Variants in MRTFA observed in about 807,000 individuals in gnomAD.
The protein encoded by MRTFA is myocardin-related transcription factor A.
Under a neutral mutation model 83.5 loss-of-function variants are expected in MRTFA, and 20 were observed. That is an observed-to-expected ratio of 0.24 (90% CI 0.17 to 0.35). The LOEUF is 0.35. Ranked by LOEUF, MRTFA falls within the 10% of genes least tolerant of loss-of-function variation. The pLI, the probability that MRTFA is intolerant of heterozygous loss-of-function variation, is 1.00. For missense variants in MRTFA, 1,200 were observed against 1,224.7 expected (o/e 0.98, Z 0.30); for synonymous variants, 659 against 541.2 (o/e 1.22, Z -3.02).
chr22:40,611,395 C>T (rs1048717032), intron 1 of MRTFA, among the ~76,000 whole-genome samples: 4 of 151,944 alleles, frequency 2.6e-5, no homozygotes, highest in African/African-American at 7.3e-5. Context: ...CAAACCACCA[C>T]ATCCAGCTTT....
chr22:40,449,274 G>GAAAAAAAAAAAAAAA (rs35140973), intron 4 of MRTFA, among the ~76,000 whole-genome samples: 3 of 88,002 alleles, frequency 3.4e-5, no homozygotes, highest in African/African-American at 4.7e-5. Flanking sequence ...CTCCAAACGA[G>GAAAAAAAAAAAAAAA]AAAAAAAAAA....
intron 1 of MRTFA, among the ~76,000 whole-genome samples, chr22:40,596,658 T>C (rs1293344023): frequency 1.3e-5 from 2 of 152,042 alleles, no homozygotes; most frequent in African/African-American, 4.8e-5. Context: ...AATACAAAAA[T>C]TAGCTGGGCG....
intron 3 of MRTFA, among the ~76,000 whole-genome samples, chr22:40,507,584 T>C (rs2054599808): frequency 6.6e-6 from 1 of 151,622 alleles, no homozygotes; most frequent in Admixed American, 6.6e-5. Flanking sequence ...GCCACTGCAC[T>C]CCCACCTGTG....
At chr22:40,629,194 A>G (rs2056613596) in intron 1 of MRTFA, among the ~76,000 whole-genome samples, 1 of 152,060 alleles carries the variant, frequency 6.6e-6, no homozygotes, top group South Asian at 2.1e-4. Context: ...GTGTAATCCC[A>G]GCACTTTGGG....
chr22:40,457,480 AAG>A (rs1021072316), intron 4 of MRTFA, among the ~76,000 whole-genome samples: 1 of 140,214 alleles, frequency 7.1e-6, no homozygotes, highest in Non-Finnish European at 1.6e-5. Flanking sequence ...GAAAGAAAGA[AAG>A]AAAGAAGGAA....
At chr22:40,524,651 G>C (rs1461077329) in intron 3 of MRTFA, among the ~76,000 whole-genome samples, 1 of 152,176 alleles carries the variant, frequency 6.6e-6, no homozygotes, top group Non-Finnish European at 1.5e-5. Flanking sequence ...GCAGTATTTG[G>C]TCAGTGGAGG....
chr22:40,627,454 G>C (rs943962474), intron 1 of MRTFA, among the ~76,000 whole-genome samples: 1 of 152,134 alleles, frequency 6.6e-6, no homozygotes, highest in African/African-American at 2.4e-5. Context: ...AAGATGTGAG[G>C]TTACTATTAT....
At position 40,418,598 on chromosome 22, in the gene MRTFA, C is replaced by G. The variant is rs2052744125; in HGVS notation, c.2140G>C (p.Val714Leu). The stretch of plus-strand genomic sequence containing the variant: ...ACCACGGACGGGGGCCCCGGGGCCA[C>G]AGCACAAGGGTCTATGTGGTTGGTG... Residue 714 changes from valine (V) to leucine (L), a missense_variant, in exon 12 of 15, where the codon GTG becomes CTG. By Grantham distance (32) the Val-to-Leu change is conservative. Transcript: ENST00000355630. 4 of 1,545,604 alleles carry G rather than the reference C, an allele frequency of 2.6e-6. No homozygotes were observed. Among genetic ancestry groups the G allele is most frequent in the Non-Finnish European group, 3.5e-6 (4 of 1,152,788 alleles).
At chr22:40,436,854 G>GTTAA (rs1466647139) in intron 4 of MRTFA, among the ~76,000 whole-genome samples, 1 of 152,170 alleles carries the variant, frequency 6.6e-6, no homozygotes, top group Non-Finnish European at 1.5e-5. Context: ...GGAGTGCAGG[G>GTTAA]TTAAGGAGCT....
chr22:40,461,523 G>A (rs2053711621), intron 4 of MRTFA, among the ~76,000 whole-genome samples: 1 of 150,580 alleles, frequency 6.6e-6, no homozygotes, highest in Admixed American at 6.6e-5. Context: ...CAGTGGCTCA[G>A]GCTGTAATCC....
At chr22:40,561,489 TAAA>T (rs58076826) in intron 2 of MRTFA, among the ~76,000 whole-genome samples, 3 of 112,464 alleles carry the variant, frequency 2.7e-5, no homozygotes, top group Non-Finnish European at 3.8e-5. Context: ...AAACTATGTC[TAAA>T]AAAAAAAAAA....
At chr22:40,536,323 G>A (rs536973277) in intron 3 of MRTFA, among the ~76,000 whole-genome samples, 6 of 151,266 alleles carry the variant, frequency 4.0e-5, no homozygotes, top group South Asian at 4.2e-4. Context: ...TAAATGGGCC[G>A]AAGCCGCCGC....
intron 2 of MRTFA, among the ~76,000 whole-genome samples, chr22:40,561,838 C>T (rs2055622822): frequency 6.6e-6 from 1 of 152,080 alleles, no homozygotes. Flanking sequence ...CTGCCTTGAC[C>T]AATCGAGAAC....
At chr22:40,537,025 GC>G (rs1470550757) in intron 3 of MRTFA, among the ~76,000 whole-genome samples, 1 of 72,616 alleles carries the variant, frequency 1.4e-5, no homozygotes, top group South Asian at 4.3e-4. Context: ...GGGGGGGTCA[GC>G]CCCCCCGCCC....
At chr22:40,466,908 T>A (rs2053820471) in intron 3 of MRTFA, among the ~76,000 whole-genome samples, 2 of 152,018 alleles carry the variant, frequency 1.3e-5, no homozygotes, top group Admixed American at 1.3e-4. Context: ...GAGATTACAG[T>A]AAAGGCATAT....
intron 1 of MRTFA, among the ~76,000 whole-genome samples, chr22:40,604,704 G>A (rs1273628254): frequency 2.0e-5 from 3 of 151,818 alleles, no homozygotes; most frequent in Non-Finnish European, 2.9e-5. Flanking sequence ...CCAAGATCGC[G>A]CCATTGCACT....
intron 12 of MRTFA, among the ~76,000 whole-genome samples, chr22:40,418,066 G>A (rs1739238529): frequency 6.6e-6 from 1 of 152,256 alleles, no homozygotes; most frequent in Non-Finnish European, 1.5e-5. Context: ...ACTCCCCACA[G>A]AGCAGCACTA....
At chr22:40,582,180 T>C (rs2055957074) in intron 2 of MRTFA, among the ~76,000 whole-genome samples, 1 of 152,258 alleles carries the variant, frequency 6.6e-6, no homozygotes, top group Non-Finnish European at 1.5e-5. Flanking sequence ...TGTGGTCCTT[T>C]ATGACAGGCT....
In MRTFA at chr22:40,420,398, C is replaced by T. The variant is rs1051105023; in HGVS notation, c.1353+7G>A. ...GCAGTGGCTCAAGTTTTCCAGTGGC[C>T]ATGTACCTTCATGTCGTCCAGGTTG... is the stretch of plus-strand genomic sequence containing the variant. On this transcript the variant is annotated splice_region_variant and intron_variant, in intron 11 of 14. Transcript: ENST00000355630. The T allele has an allele frequency of 6.2e-7, 1 of 1,612,116 alleles. No homozygotes were observed. The highest frequency in any genetic ancestry group is 8.5e-7 in the Non-Finnish European group (1 of 1,179,202).
Sources: gnomAD v4.1 joint callset for allele counts (sites outside exome capture counted in the v4.1 genomes callset) on GRCh38, gnomAD v4.1.1 for gene constraint, MANE v1.5 for transcripts, NCBI Gene and HGNC (gene_info 2026-07-23, HGNC 2026-07-21) for gene names.